Variants in CFAP92 observed in about 807,000 individuals in gnomAD.
The protein encoded by CFAP92 is uncharacterized protein CFAP92.
CFAP92 carries 86 observed loss-of-function variants against 106.3 expected under a neutral mutation model. The observed-to-expected ratio is 0.81, with a 90% CI of 0.68 to 0.97. CFAP92 has a LOEUF of 0.97. CFAP92 is among the 50% of genes least tolerant of loss of function. The pLI is 0.00. For missense variants in CFAP92, 1,204 were observed against 1,283.8 expected (o/e 0.94, Z 0.95); for synonymous variants, 477 against 506.4 (o/e 0.94, Z 0.78).
rs750051339 is a variant in CFAP92, at chr3:128,912,793, T to C, written c.3280+2326A>G. ...CCAGGTTTTGACCTGCAGGCAGTGCTCTCTAACAGGACCATCACAGCTTCT... is the reference window on the plus strand; with the variant it reads ...CCAGGTTTTGACCTGCAGGCAGTGCCCTCTAACAGGACCATCACAGCTTCT... On this transcript the variant is annotated intron_variant, in intron 15 of 15. Transcript: ENST00000645291. The C allele has an allele frequency of 5.4e-6, 4 of 736,470 alleles. No individual in the cohort carries two copies. In the South Asian group the frequency reaches 5.4e-5, roughly 10 times the overall value. 45.6% of individuals were successfully genotyped at this position (736,470 alleles called of 1,614,324 possible).
chr3:128,959,483 C>A (rs572405508), intron 9 of CFAP92, among the ~76,000 whole-genome samples: 2 of 152,216 alleles, frequency 1.3e-5, no homozygotes, highest in African/African-American at 2.4e-5. Context: ...GACCTTTTCT[C>A]GAGAAGCTAC....
Position 128,945,501 on chromosome 3 carries a change from C to A in CFAP92, c.1828G>T (p.Val610Phe). 6.5e-7 allele frequency: 1 copy of A among 1,536,072 alleles called. No homozygotes were observed. Among genetic ancestry groups the A allele is most frequent in the Non-Finnish European group, 8.7e-7 (1 of 1,146,902 alleles). Reference protein sequence around the residue: ...SRRRKVVGLGVPRDGHQHGPM... With the variant: ...SRRRKVVGLGFPRDGHQHGPM... ...CCGTGCTGGTGGCCATCTCTGGGGA[C>A]CCCAAGCCCCACAACCTTCCTTCTC... Residue 610 changes from valine to phenylalanine, a missense_variant, in exon 10 of 16, where the codon GTC becomes TTC. By Grantham distance (50) the Val-to-Phe change is conservative. Transcript: ENST00000645291.
chr3:128,926,858 G>A (rs1937701833), intron 12 of CFAP92, among the ~76,000 whole-genome samples: 1 of 152,062 alleles, frequency 6.6e-6, no homozygotes, highest in South Asian at 2.1e-4. Flanking sequence ...CACTTTGGTA[G>A]GCTGAGGCGG....
intron 7 of CFAP92, among the ~76,000 whole-genome samples, chr3:128,972,934 A>T (rs1278663555): frequency 6.6e-6 from 1 of 151,920 alleles, no homozygotes; most frequent in Non-Finnish European, 1.5e-5. Context: ...GGCTCAAGTG[A>T]TCATCCCCTC....
intron 9 of CFAP92, among the ~76,000 whole-genome samples, chr3:128,962,044 G>A (rs866559668): frequency 3.0e-4 from 46 of 152,126 alleles, no homozygotes; most frequent in African/African-American, 9.7e-4. Context: ...CTCCTAAGCC[G>A]TGTCCCATCT....
intron 9 of CFAP92, 87 bp from the exon 10 acceptor site, chr3:128,946,062 G>A: frequency 1.0e-6 from 1 of 979,666 alleles, no homozygotes; most frequent in Non-Finnish European, 1.4e-6. Context: ...CCCAGTGCCA[G>A]GCTCATTGCC....
At chr3:129,015,049 G>A in the CFAP92 span, among the ~76,000 whole-genome samples, 12 of 152,178 alleles carry the variant, frequency 7.9e-5, 1 homozygote, top group South Asian at 2.3e-3. Context: ...TCAGAACCAC[G>A]GACCACACAG....
chr3:129,013,171 G>C, the CFAP92 span, among the ~76,000 whole-genome samples: 1 of 151,992 alleles, frequency 6.6e-6, no homozygotes, highest in Non-Finnish European at 1.5e-5. Flanking sequence ...GAGGACACAA[G>C]GGGGTGGGCA....
intron 9 of CFAP92, among the ~76,000 whole-genome samples, chr3:128,964,084 C>T (rs1199995291): frequency 6.6e-6 from 1 of 152,194 alleles, no homozygotes; most frequent in East Asian, 1.9e-4. Context: ...TCTATACAGT[C>T]TGATAATAGA....
At chr3:128,917,411 C>T (rs1024098051) in intron 12 of CFAP92, among the ~76,000 whole-genome samples, 1 of 152,194 alleles carries the variant, frequency 6.6e-6, no homozygotes, top group Non-Finnish European at 1.5e-5. Context: ...AAATTCTGAC[C>T]TAATGCTTAT....
At chr3:128,932,077 T>C (rs1200983407) in intron 12 of CFAP92, among the ~76,000 whole-genome samples, 1 of 152,126 alleles carries the variant, frequency 6.6e-6, no homozygotes, top group Non-Finnish European at 1.5e-5. Flanking sequence ...ATACAAAGCT[T>C]ACAAGCTTCT....
chr3:128,945,454 G>C lies in CFAP92; in HGVS notation c.1875C>G (p.Tyr625Ter). 6.5e-7 allele frequency: 1 copy of C among 1,536,158 alleles called. No homozygotes were observed. The highest frequency in any genetic ancestry group is 2.4e-5 in the East Asian group (1 of 40,924). ...ACTTGAGCTGGGAGTCAGCCTCTAGGTAGTTGCCCCTGGGCATTGGGCCGT... is the reference window on the plus strand; with the variant it reads ...ACTTGAGCTGGGAGTCAGCCTCTAGCTAGTTGCCCCTGGGCATTGGGCCGT... ...HQHGPMPRGN[Y>*]LEADSQLKLR... Residue 625 changes from tyrosine (Y) to a stop codon, truncating the protein, a stop_gained, in exon 10 of 16, where the codon TAC becomes TAG. Coordinates refer to ENST00000645291, the MANE Select transcript of CFAP92 (RefSeq NM_001394090.1). LOFTEE classifies it high-confidence loss of function.
At position 128,971,406 on chromosome 3, in the gene CFAP92, C is replaced by A; in HGVS notation, c.1049G>T (p.Arg350Met). The A allele has an allele frequency of 6.2e-7, 1 of 1,611,408 alleles. No individual in the cohort carries two copies. Among genetic ancestry groups the A allele is most frequent in the Non-Finnish European group, 8.5e-7 (1 of 1,178,802 alleles). ...CTTCTTATGTCTCCTCTGGATTTTC[C>A]TTCTTCCCTCTGAATCTTTCCCTTT... ...QIKGKDSEGR[R>M]KIQRRHKKPL... The change falls in exon 8 of 16, where the codon AGG (arginine) becomes ATG (methionine). Residue 350 changes from arginine to methionine, a missense_variant. Arg to Met is a moderately conservative substitution (Grantham distance 91). Coordinates refer to ENST00000645291, the MANE Select transcript of CFAP92 (RefSeq NM_001394090.1).
chr3:129,010,340 G>A, the CFAP92 span, among the ~76,000 whole-genome samples: 37 of 152,354 alleles, frequency 2.4e-4, no homozygotes, highest in African/African-American at 6.5e-4. This position sits in a 1 kb window ranked among gnomAD's most constrained non-coding sequence, Gnocchi z 4.3. Flanking sequence ...TCAGGACACC[G>A]GGGCAGGGCA....
chr3:128,931,868 TA>T (rs141617623), intron 12 of CFAP92, among the ~76,000 whole-genome samples: 5 of 150,394 alleles, frequency 3.3e-5, no homozygotes, highest in Non-Finnish European at 7.4e-5. Flanking sequence ...AAAAAAAAAG[TA>T]AAAAAAATTA....
At chr3:128,999,729 G>C (rs1944629095) in intron 1 of CFAP92, among the ~76,000 whole-genome samples, 1 of 132,408 alleles carries the variant, frequency 7.6e-6, no homozygotes, top group Non-Finnish European at 1.5e-5. Context: ...TAGTAGAGAT[G>C]GGGGTGGTTC....
At chr3:129,014,287 T>A in the CFAP92 span, among the ~76,000 whole-genome samples, 1 of 152,152 alleles carries the variant, frequency 6.6e-6, no homozygotes, top group Non-Finnish European at 1.5e-5. This position sits in a 1 kb window ranked among gnomAD's most constrained non-coding sequence, Gnocchi z 4.3. Flanking sequence ...TCAGGGAGTG[T>A]GAGTCAGCTC....
chr3:129,006,798 C>T (rs1269500187), upstream of CFAP92, among the ~76,000 whole-genome samples: 1 of 152,160 alleles, frequency 6.6e-6, no homozygotes, highest in African/African-American at 2.4e-5. Context: ...ATGCCTTCAA[C>T]CCTACCTTGC....
chr3:128,966,661 C>T (rs1377291740), intron 8 of CFAP92: 1 of 151,474 alleles, frequency 6.6e-6, no homozygotes, highest in East Asian at 1.9e-4. Context: ...AGCTACGCCT[C>T]CTGGGTTCAC....
Sources: gnomAD v4.1 joint callset for allele counts (sites outside exome capture counted in the v4.1 genomes callset) on GRCh38, gnomAD v4.1.1 for gene constraint, Gnocchi (gnomAD v3.1) non-coding constraint, MANE v1.5 for transcripts, NCBI Gene and HGNC (gene_info 2026-07-23, HGNC 2026-07-21) for gene names.